Variants in SYT16 observed in about 807,000 individuals in gnomAD.
SYT16 encodes synaptotagmin-16.
A neutral mutation model predicts 61.4 loss-of-function variants in SYT16; 42 were observed. The ratio of observed to expected loss-of-function variants is 0.68; its 90% confidence interval spans 0.53 to 0.89. SYT16 has a LOEUF of 0.89. SYT16 is among the 40% of genes least tolerant of loss of function. The pLI is 0.00. For missense variants in SYT16, 804 were observed against 807.3 expected (o/e 1.00, Z 0.05); for synonymous variants, 314 against 302.3 (o/e 1.04, Z -0.40).
intron 2 of SYT16, among the ~76,000 whole-genome samples, chr14:61,977,998 C>T (rs976537577): frequency 1.3e-5 from 2 of 152,140 alleles, no homozygotes; most frequent in Admixed American, 1.3e-4. Context: ...TCATCCTTGG[C>T]ATTCTTTGTC....
At chr14:61,974,258 A>G (rs1227005225) in intron 2 of SYT16, among the ~76,000 whole-genome samples, 1 of 152,152 alleles carries the variant, frequency 6.6e-6, no homozygotes, top group Non-Finnish European at 1.5e-5. Flanking sequence ...GCAGCTTACC[A>G]TGAGGTGGGC....
chr14:62,000,104 T>TTTTTTTTTTTTTTTTTTTTTTTG (rs2052945854), intron 3 of SYT16, among the ~76,000 whole-genome samples: 1 of 106,954 alleles, frequency 9.3e-6, no homozygotes, highest in Non-Finnish European at 2.1e-5. Flanking sequence ...TCTCGATTTT[T>TTTTTTTTTTTTTTTTTTTTTTTG]TTTTTTTTTT....
At chr14:61,890,512 AAC>A (rs1491047823) in intron 1 of SYT16, among the ~76,000 whole-genome samples, 2 of 151,952 alleles carry the variant, frequency 1.3e-5, no homozygotes, top group Admixed American at 1.3e-4. Context: ...AAAAAAAAAA[AAC>A]ACTATACAAT....
chr14:62,016,233 G>C (rs1388374794), intron 3 of SYT16, among the ~76,000 whole-genome samples: 5 of 152,176 alleles, frequency 3.3e-5, no homozygotes, highest in Non-Finnish European at 7.3e-5. Flanking sequence ...ACAGCTCCAA[G>C]TCATTTTCAC....
chr14:62,086,494 CAACA>C (rs200193546), intron 7 of SYT16, among the ~76,000 whole-genome samples: 3,646 of 152,030 alleles, frequency 0.024, 62 homozygotes, highest in Middle Eastern at 0.034. Context: ...AAACAAACAA[CAACA>C]AACAAACAAA....
chr14:62,050,836 T>G (rs1282503291), intron 3 of SYT16, among the ~76,000 whole-genome samples: 1 of 152,062 alleles, frequency 6.6e-6, no homozygotes, highest in Non-Finnish European at 1.5e-5. Flanking sequence ...TCTGGAAGTT[T>G]TGTCTCGGAG....
intron 6 of SYT16, among the ~76,000 whole-genome samples, chr14:62,082,261 G>T (rs1298017658): frequency 6.6e-6 from 1 of 152,130 alleles, no homozygotes; most frequent in African/African-American, 2.4e-5. Context: ...AGAAAGTCTG[G>T]ACTGTAGTGG....
At chr14:62,049,581 T>G (rs868724243) in intron 3 of SYT16, among the ~76,000 whole-genome samples, 1 of 152,238 alleles carries the variant, frequency 6.6e-6, no homozygotes, top group Non-Finnish European at 1.5e-5. Context: ...TTGATGGTCT[T>G]TACAATTTGG....
chr14:62,086,582 G>A (rs8014630), intron 7 of SYT16, among the ~76,000 whole-genome samples: 119,992 of 152,176 alleles, frequency 0.79, 47,781 homozygotes, highest in East Asian at 0.9. Context: ...TCAGTATAGT[G>A]TATACTTTAT....
At chr14:61,820,932 C>G (rs2045601424) in intron 1 of SYT16, among the ~76,000 whole-genome samples, 1 of 152,180 alleles carries the variant, frequency 6.6e-6, no homozygotes, top group African/African-American at 2.4e-5. Context: ...CTGGGAGTAG[C>G]CTTTCTCTGT....
chr14:61,978,255 T>C (rs1463227142), intron 2 of SYT16, among the ~76,000 whole-genome samples: 10 of 152,176 alleles, frequency 6.6e-5, no homozygotes, highest in Non-Finnish European at 7.4e-5. Flanking sequence ...GAAGCCCAAC[T>C]TGGCAGTGGT....
At chr14:62,027,908 A>G (rs1174225581) in intron 3 of SYT16, among the ~76,000 whole-genome samples, 1 of 152,178 alleles carries the variant, frequency 6.6e-6, no homozygotes, top group African/African-American at 2.4e-5. Context: ...AATGTTGCTC[A>G]TTTTTATTGC....
intron 1 of SYT16, among the ~76,000 whole-genome samples, chr14:61,848,234 G>A (rs2046502072): frequency 1.3e-5 from 2 of 152,132 alleles, no homozygotes; most frequent in Admixed American, 6.5e-5. Context: ...GGATTTGGGT[G>A]TTGTGATCTA....
At chr14:62,098,137 G>T (rs368448524) in intron 7 of SYT16, among the ~76,000 whole-genome samples, 1 of 152,308 alleles carries the variant, frequency 6.6e-6, no homozygotes, top group South Asian at 2.1e-4. Flanking sequence ...AAAACTGCAG[G>T]TTGTAATTTG....
rs548629943 is a variant in SYT16, at chr14:61,990,042, A to G, written c.-144-5834A>G. Among the ~76,000 whole-genome samples, 42 of 152,284 alleles carry G rather than the reference A, an allele frequency of 2.8e-4. No individual in the cohort carries two copies. In the South Asian group the frequency reaches 8.1e-3, roughly 29 times the overall value. ...ACACATTTTGGACAAATGCTGTAGA[A>G]GATATTTCATTTCAATGACACATAT... is the stretch of plus-strand genomic sequence containing the variant. On this transcript the variant is annotated intron_variant, in intron 2 of 7. Coordinates refer to ENST00000683842, the MANE Select transcript of SYT16 (RefSeq NM_001367656.1).
chr14:61,856,334 G>A (rs7155919), intron 1 of SYT16, among the ~76,000 whole-genome samples: 2,576 of 152,264 alleles, frequency 0.017, 46 homozygotes, highest in Middle Eastern at 0.041. Context: ...TGGCAGCAGG[G>A]GAGTAGCAGT....
In SYT16 at chr14:62,076,184, C is replaced by T. The variant is rs376664283; in HGVS notation, c.993+793C>T. Among the ~76,000 whole-genome samples the T allele has an allele frequency of 1.9e-4, 29 of 152,206 alleles. No homozygotes were observed. The East Asian group carries it at 4.1e-3, about 21-fold the overall frequency. On this transcript the variant is annotated intron_variant, in intron 5 of 7. Transcript: ENST00000683842. ...AATTGTTTCCTTTTACTGGCCCTTACGGTTATTTTTCCATTAGATAGATCC... is the reference window on the plus strand; with the variant it reads ...AATTGTTTCCTTTTACTGGCCCTTATGGTTATTTTTCCATTAGATAGATCC...
rs3071213 is a variant in SYT16, at chr14:61,938,026, A to AACACACACACACACACACACAC, written c.-324-32094_-324-32073dup. Among the ~76,000 whole-genome samples, 761 of 135,710 alleles carry AACACACACACACACACACACAC rather than the reference A, an allele frequency of 5.6e-3. 5 individuals carry two copies. Among genetic ancestry groups the AACACACACACACACACACACAC allele is most frequent in the South Asian group, 9.8e-3 (37 of 3,764 alleles). 89.0% of individuals were successfully genotyped at this position (135,710 alleles called of 152,430 possible). A position where few individuals can be genotyped will look rare whatever the true frequency, so the allele number is the denominator to read the frequency against. On this transcript the variant is annotated intron_variant, in intron 1 of 7. Coordinates refer to ENST00000683842, the MANE Select transcript of SYT16 (RefSeq NM_001367656.1). ...CTGTTGCCCCAACCTCCTACCCCGC[A>AACACACACACACACACACACAC]ACACACACACACACACACACACACA...
chr14:61,993,063 G>A (rs1462632823), intron 2 of SYT16, among the ~76,000 whole-genome samples: 1 of 152,042 alleles, frequency 6.6e-6, no homozygotes. Flanking sequence ...TAGAAACCAA[G>A]GGGATATGAG....
Sources: allele counts gnomAD v4.1 joint callset (sites outside exome capture counted in the v4.1 genomes callset), GRCh38; gene constraint gnomAD v4.1.1; transcripts MANE v1.5; gene names NCBI Gene and HGNC (gene_info 2026-07-23, HGNC 2026-07-21).